Variants in CD36 observed in about 807,000 individuals in gnomAD.
CD36 encodes the protein platelet glycoprotein 4.
In CD36, 119 loss-of-function variants were observed where a neutral mutation model predicts 55.2. That is an observed-to-expected ratio of 2.15 (90% CI 1.86 to 2.51). The LOEUF is 2.51. Among genes scored for constraint, CD36 ranks in the 30% most tolerant of loss-of-function variants. CD36 has a pLI of 0.00. For missense variants in CD36, 819 were observed against 555.5 expected, an observed-to-expected ratio of 1.47 and a Z score of -4.77; for synonymous variants, 186 against 193.6, an observed-to-expected ratio of 0.96 and a Z score of 0.33.
chr7:80,602,993 T>C (rs149135791), intron 1 of CD36, among the ~76,000 whole-genome samples: 1,971 of 152,242 alleles, frequency 0.013, 52 homozygotes, highest in African/African-American at 0.043. Context: ...AACAAAAATC[T>C]TTTTATACAT....
intron 3 of CD36, among the ~76,000 whole-genome samples, chr7:80,654,491 G>A (rs1038270707): frequency 8.5e-5 from 13 of 152,228 alleles, no homozygotes; most frequent in East Asian, 3.9e-4. Context: ...CTCTTGAAAT[G>A]GAGAAATCAA....
At chr7:80,628,584 T>A (rs1043557019) in intron 1 of CD36, among the ~76,000 whole-genome samples, 2 of 151,986 alleles carry the variant, frequency 1.3e-5, no homozygotes, top group Non-Finnish European at 2.9e-5. Context: ...GAGCTAGAAG[T>A]TTGATTAAGT....
chr7:80,666,475 T>C lies in CD36; in HGVS notation c.734T>C (p.Met245Thr). The C allele has an allele frequency of 6.2e-7, 1 of 1,608,068 alleles. No homozygotes were observed. Among genetic ancestry groups the C allele is most frequent in the South Asian group, 1.1e-5 (1 of 90,942 alleles). ...NLSYWESHCD[M>T]INGTDAASFP... Reference sequence around the variant, plus strand: ...TCCTATTGGGAAAGTCACTGCGACATGATTAATGGTACAGGTAAGAATATT... The same window carrying C: ...TCCTATTGGGAAAGTCACTGCGACACGATTAATGGTACAGGTAAGAATATT... Residue 245 changes from methionine to threonine, a missense_variant, in exon 8 of 15, where the codon ATG becomes ACG. Physicochemically the swap from Met to Thr is moderately conservative, Grantham distance 81. Transcript: ENST00000447544.
intron 6 of CD36, 51 bp downstream of exon 6, chr7:80,663,220 T>G: frequency 7.0e-7 from 1 of 1,431,970 alleles, no homozygotes. Context: ...TTTAATTAAT[T>G]CAATGGCATT....
rs772709798 is a variant in CD36, at chr7:80,671,960, G to GCAAGT, written c.1047_1051dup (p.Pro351GlnfsTer12). 3.2e-5 allele frequency: 52 copies of GCAAGT among 1,610,510 alleles called. No homozygotes were observed. In the Middle Eastern group the frequency reaches 1.2e-3, roughly 36 times the overall value. ...CATTTCACTTCCTCATTTTCTGTAT[G>GCAAGT]CAAGTCCTGATGTTTCAGAACCTAT... On this transcript the variant is annotated frameshift_variant, in exon 11 of 15. Transcript: ENST00000447544. LOFTEE classifies it high-confidence loss of function.
At chr7:80,645,071 A>G (rs952574483) in intron 1 of CD36, among the ~76,000 whole-genome samples, 2 of 146,772 alleles carry the variant, frequency 1.4e-5, no homozygotes, top group African/African-American at 5.1e-5. Context: ...CCCAGGCTGG[A>G]GTGCAATGGC....
chr7:80,665,372 A>G (rs1796975287), intron 7 of CD36, among the ~76,000 whole-genome samples: 1 of 152,136 alleles, frequency 6.6e-6, no homozygotes, highest in Non-Finnish European at 1.5e-5. Flanking sequence ...ATCAAAACCA[A>G]AAGAGATGAA....
At chr7:80,645,360 A>G (rs1354826571) in intron 1 of CD36, among the ~76,000 whole-genome samples, 1 of 150,444 alleles carries the variant, frequency 6.6e-6, no homozygotes, top group African/African-American at 2.4e-5. Flanking sequence ...ATGGCTGGGC[A>G]TGGTGGCTCA....
At chr7:80,672,210 A>G (rs962953900) in intron 11 of CD36, among the ~76,000 whole-genome samples, 170 bp downstream of exon 11, 1 of 151,820 alleles carries the variant, frequency 6.6e-6, no homozygotes, top group African/African-American at 2.4e-5. Context: ...TTATGAAGTG[A>G]TTCTAATTGG....
At chr7:80,618,347 C>T (rs1457738417) in intron 1 of CD36, among the ~76,000 whole-genome samples, 3 of 152,094 alleles carry the variant, frequency 2.0e-5, no homozygotes, top group Admixed American at 2.0e-4. Flanking sequence ...TGAGACATGA[C>T]TATATTGAAA....
At chr7:80,670,911 A>G (rs548992148) in intron 9 of CD36, 66 bp from the exon 10 acceptor site, 5 of 1,103,278 alleles carry the variant, frequency 4.5e-6, no homozygotes, top group Non-Finnish European at 6.9e-6. Flanking sequence ...CAAGAATAAG[A>G]AAAAATGAAT....
intron 7 of CD36, among the ~76,000 whole-genome samples, chr7:80,665,758 A>G (rs1214317378): frequency 7.2e-5 from 11 of 152,156 alleles, no homozygotes; most frequent in African/African-American, 2.7e-4. Flanking sequence ...TTGTCTTGAC[A>G]TGTCACTGTC....
intron 4 of CD36, among the ~76,000 whole-genome samples, chr7:80,657,973 T>G (rs1796221590): frequency 6.6e-6 from 1 of 152,174 alleles, no homozygotes; most frequent in South Asian, 2.1e-4. Context: ...AGATTGAAAA[T>G]TCACACCCAA....
intron 1 of CD36, among the ~76,000 whole-genome samples, chr7:80,639,360 A>G (rs1159553091): frequency 6.6e-6 from 1 of 151,992 alleles, no homozygotes; most frequent in Non-Finnish European, 1.5e-5. Context: ...AGCAAAGTAT[A>G]TTACTTTTAA....
intron 13 of CD36, 97 bp from the exon 14 acceptor site, chr7:80,673,886 C>CAATAGAGGTGTTAGAAAA: frequency 1.1e-6 from 1 of 879,870 alleles, no homozygotes; most frequent in Non-Finnish European, 1.9e-6. Context: ...TGACTAACAC[C>CAATAGAGGTGTTAGAAAA]AATAGAGGTG....
intron 1 of CD36, among the ~76,000 whole-genome samples, chr7:80,606,646 A>G (rs1419695088): frequency 1.3e-5 from 2 of 152,144 alleles, no homozygotes; most frequent in African/African-American, 4.8e-5. Flanking sequence ...AGCCAGAGAG[A>G]AACATTTAGC....
chr7:80,615,852 G>A (rs1034161312), intron 1 of CD36, among the ~76,000 whole-genome samples: 1 of 152,110 alleles, frequency 6.6e-6, no homozygotes, highest in African/African-American at 2.4e-5. Context: ...TGGTTTCCAT[G>A]ATAGCTTTCT....
At chr7:80,649,203 C>A (rs1396593275) in intron 3 of CD36, among the ~76,000 whole-genome samples, 1 of 151,998 alleles carries the variant, frequency 6.6e-6, no homozygotes, top group Non-Finnish European at 1.5e-5. Context: ...CTTACAGGCG[C>A]AAGTCCTTAA....
At chr7:80,661,001 T>G (rs1463437700) in intron 4 of CD36, 62 bp from the exon 5 acceptor site, 2 of 1,197,374 alleles carry the variant, frequency 1.7e-6, no homozygotes, top group Admixed American at 3.4e-5. Flanking sequence ...ATGAATGACA[T>G]TTGAGATCTA....
Sources: allele counts gnomAD v4.1 joint callset (sites outside exome capture counted in the v4.1 genomes callset), GRCh38; gene constraint gnomAD v4.1.1; transcripts MANE v1.5; gene names NCBI Gene and HGNC (gene_info 2026-07-23, HGNC 2026-07-21).